RBFOX3: variants seen among roughly 807,000 people sequenced by gnomAD.
The protein encoded by RBFOX3 is RNA binding protein fox-1 homolog 3.
In RBFOX3, 17 loss-of-function variants were observed where a neutral mutation model predicts 48.7. That is an observed-to-expected ratio of 0.35 (90% CI 0.24 to 0.52). The LOEUF (loss-of-function observed/expected upper bound fraction) is 0.52, where lower values mean the gene tolerates loss of function less well. Among genes scored for constraint, RBFOX3 ranks in the 20% least tolerant of loss-of-function variants. The pLI is 0.94. For missense variants in RBFOX3, 382 were observed against 497.5 expected (o/e 0.77, Z 2.21); for synonymous variants, 212 against 209.5 (o/e 1.01, Z -0.10).
intron 2 of RBFOX3, among the ~76,000 whole-genome samples, chr17:79,470,733 G>A (rs2076963373): frequency 6.6e-6 from 1 of 152,232 alleles, no homozygotes; most frequent in Non-Finnish European, 1.5e-5. Context: ...GCCAGCACAA[G>A]CATATTGTGG....
At chr17:79,435,172 G>C (rs917872411) in intron 2 of RBFOX3, among the ~76,000 whole-genome samples, 5 of 152,298 alleles carry the variant, frequency 3.3e-5, no homozygotes, top group Non-Finnish European at 5.9e-5. Flanking sequence ...AGGGTGGACA[G>C]TGAGTTGTGC....
rs2146472715 is a variant in RBFOX3, at chr17:79,101,591, G to A, written c.561C>T (p.Tyr187=). 2 of 1,550,804 alleles carry A rather than the reference G, an allele frequency of 1.3e-6. No homozygotes were observed. The highest frequency in any genetic ancestry group is 1.7e-4 in the Middle Eastern group (1 of 5,992). The change falls in exon 9 of 15, where the codon TAC becomes TAT. Residue 187 remains tyrosine, a synonymous_variant. Coordinates refer to ENST00000693108, the MANE Select transcript of RBFOX3 (RefSeq NM_001350451.2). ...VMTNKKTGNP[Y]TNGWKLNPVV... is the part of the protein sequence containing the mutation. ...GGGGACCCAGCCCCTTACCGTTGGT[G>A]TAGGGGTTCCCCGTCTTCTTGTTGG...
chr17:79,413,120 A>C (rs2148618445), intron 2 of RBFOX3, among the ~76,000 whole-genome samples: 1 of 152,292 alleles, frequency 6.6e-6, no homozygotes, highest in South Asian at 2.1e-4. Context: ...CTGCCTGCAA[A>C]TGTCACTTGC....
intron 2 of RBFOX3, among the ~76,000 whole-genome samples, chr17:79,355,648 T>C (rs2147117179): frequency 6.6e-6 from 1 of 152,172 alleles, no homozygotes; most frequent in Middle Eastern, 3.4e-3. Flanking sequence ...TGGTTTGATC[T>C]CAGCTCACTG....
chr17:79,485,029 C>T (rs1003361530), intron 1 of RBFOX3, among the ~76,000 whole-genome samples: 6 of 152,156 alleles, frequency 3.9e-5, no homozygotes, highest in Non-Finnish European at 7.4e-5. Flanking sequence ...CCAGACAGGG[C>T]TCCCAGAGCC....
chr17:79,150,189 G>A (rs565972067), intron 4 of RBFOX3, among the ~76,000 whole-genome samples: 170 of 151,946 alleles, frequency 1.1e-3, no homozygotes, highest in African/African-American at 1.8e-3. Context: ...AGCGGTGGGC[G>A]GCAGCTGTGG....
At chr17:79,561,484 G>T (rs1474556873) in intron 1 of RBFOX3, among the ~76,000 whole-genome samples, 1 of 152,118 alleles carries the variant, frequency 6.6e-6, no homozygotes. Context: ...CCAAACTCAG[G>T]AGTCCCCAGA....
chr17:79,444,783 A>C (rs1460785021), intron 2 of RBFOX3, among the ~76,000 whole-genome samples: 1 of 152,094 alleles, frequency 6.6e-6, no homozygotes, highest in Non-Finnish European at 1.5e-5. Flanking sequence ...ATATACATTC[A>C]GATATATATA....
chr17:79,420,703 T>A (rs971624), intron 2 of RBFOX3, among the ~76,000 whole-genome samples: 2 of 152,344 alleles, frequency 1.3e-5, no homozygotes, highest in South Asian at 2.1e-4. Flanking sequence ...GAGGGGAGGG[T>A]GGAGGAAAGA....
the RBFOX3 span, among the ~76,000 whole-genome samples, chr17:79,616,260 G>A: frequency 6.6e-6 from 1 of 152,034 alleles, no homozygotes; most frequent in Non-Finnish European, 1.5e-5. Flanking sequence ...TCTCGGCCGG[G>A]CACGGTGGCT....
At position 79,364,337 on chromosome 17, in the gene RBFOX3, T is replaced by C. The variant is rs2057413560; in HGVS notation, c.-174-56513A>G. Among the ~76,000 whole-genome samples, 1 of 152,214 alleles carries C rather than the reference T, an allele frequency of 6.6e-6. No individual in the cohort carries two copies. Among genetic ancestry groups the C allele is most frequent in the African/African-American group, 2.4e-5 (1 of 41,464 alleles). ...TTTTAGGACAGTCCTGAACTGGACT[T>C]GCAGTCTATAGAAGACACACGCTTG... On this transcript the variant is annotated intron_variant, in intron 2 of 14. Coordinates refer to ENST00000693108, the MANE Select transcript of RBFOX3 (RefSeq NM_001350451.2). The surrounding 1 kb of genome is among the most constrained non-coding windows in gnomAD (Gnocchi z 5.1).
chr17:79,125,511 A>C (rs11870294), intron 4 of RBFOX3, among the ~76,000 whole-genome samples: 44,638 of 152,178 alleles, frequency 0.29, 7,371 homozygotes, highest in Non-Finnish European at 0.39. Context: ...CTGCCTGGTA[A>C]GGTCCCCCAG....
chr17:79,377,745 G>A (rs532853640), intron 2 of RBFOX3, among the ~76,000 whole-genome samples: 1 of 152,232 alleles, frequency 6.6e-6, no homozygotes, highest in Admixed American at 6.5e-5. Context: ...CATCCCTTTG[G>A]AAACTGCAGA....
At chr17:79,633,228 T>C in the RBFOX3 span, among the ~76,000 whole-genome samples, 1 of 152,212 alleles carries the variant, frequency 6.6e-6, no homozygotes, top group Non-Finnish European at 1.5e-5. Flanking sequence ...CAGCTAAGAC[T>C]CAGCCACCTG....
rs1278396640 is a variant in RBFOX3 at position 79,205,602 on chromosome 17, T to C, written c.-34+30164A>G. The stretch of plus-strand genomic sequence containing the variant: ...ATACTTAAAGGAAGCAAGGATGAGG[T>C]CCCCATCCTATCCTTGTTCAATTCA... On this transcript the variant is annotated intron_variant, in intron 4 of 14. Coordinates refer to ENST00000693108, the MANE Select transcript of RBFOX3 (RefSeq NM_001350451.2). The surrounding 1 kb of genome is among the most constrained non-coding windows in gnomAD (Gnocchi z 4.5). 6.6e-6 allele frequency among the ~76,000 whole-genome samples: 1 copy of C among 152,078 alleles called. No homozygotes were observed. The highest frequency in any genetic ancestry group is 2.4e-5 in the African/African-American group (1 of 41,378).
At chr17:79,484,167 C>A (rs927579815) in intron 1 of RBFOX3, among the ~76,000 whole-genome samples, 6 of 152,180 alleles carry the variant, frequency 3.9e-5, no homozygotes, top group Non-Finnish European at 8.8e-5. Flanking sequence ...AATTTCACAA[C>A]GGAGTTTTAA....
chr17:79,431,421 C>A (rs1398999796), intron 2 of RBFOX3, among the ~76,000 whole-genome samples: 1 of 152,094 alleles, frequency 6.6e-6, no homozygotes, highest in Non-Finnish European at 1.5e-5. Flanking sequence ...TCAAACGATT[C>A]TCCTGCCTCA....
At chr17:79,194,905 GC>G (rs1567820497) in intron 4 of RBFOX3, among the ~76,000 whole-genome samples, 1 of 126,066 alleles carries the variant, frequency 7.9e-6, no homozygotes, top group Non-Finnish European at 1.6e-5. Flanking sequence ...ATAATTGAGT[GC>G]CCCCAGTTTT....
intron 2 of RBFOX3, among the ~76,000 whole-genome samples, chr17:79,376,212 T>A (rs1406950658): frequency 6.6e-6 from 1 of 152,164 alleles, no homozygotes; most frequent in African/African-American, 2.4e-5. Context: ...TTTGTCTCTG[T>A]CCACTGGTCC....
Sources: gnomAD v4.1 joint callset for allele counts (sites outside exome capture counted in the v4.1 genomes callset) on GRCh38, gnomAD v4.1.1 for gene constraint, Gnocchi (gnomAD v3.1) non-coding constraint, MANE v1.5 for transcripts, NCBI Gene and HGNC (gene_info 2026-07-23, HGNC 2026-07-21) for gene names.